Variants in SCML2 observed in about 807,000 individuals in gnomAD.
SCML2 encodes Scm polycomb group protein like 2.
A neutral mutation model predicts 48.4 loss-of-function variants in SCML2; 6 were observed. The ratio of observed to expected loss-of-function variants is 0.12; its 90% CI spans 0.07 to 0.24. The LOEUF is 0.24. Ranked by LOEUF, SCML2 falls within the 10% of genes least tolerant of loss-of-function variation. The pLI, the probability that SCML2 is intolerant of heterozygous loss-of-function variation, is 1.00. For missense variants in SCML2, 377 were observed against 528.2 expected, an observed-to-expected ratio of 0.71 and a Z score of 2.81; for synonymous variants, 181 against 189.5, an observed-to-expected ratio of 0.95 and a Z score of 0.37.
chrX:18,246,552 T>C (rs1926453759), intron 13 of SCML2, 25 bp downstream of exon 13: 2 of 1,174,222 alleles, frequency 1.7e-6, no homozygotes, highest in African/African-American at 3.6e-5. Flanking sequence ...ACAAACACAT[T>C]GAGAGTCACT....
At chrX:18,340,542 G>A (rs1929978860) in intron 1 of SCML2, among the ~76,000 whole-genome samples, 1 of 112,398 alleles carries the variant, frequency 8.9e-6, no homozygotes. Context: ...GGATGTGGTG[G>A]CTCACGCCTG....
chrX:18,347,376 G>C (rs763048186), intron 1 of SCML2, among the ~76,000 whole-genome samples: 5 of 109,167 alleles, frequency 4.6e-5, no homozygotes, highest in Non-Finnish European at 9.5e-5. Flanking sequence ...ATCTGGGAGG[G>C]GGAGGTTGCA....
intron 7 of SCML2, among the ~76,000 whole-genome samples, chrX:18,280,884 C>A (rs1319222816): frequency 9.6e-6 from 1 of 104,309 alleles, no homozygotes; most frequent in African/African-American, 3.4e-5. Context: ...AGAAAAGACT[C>A]AGACAACCAC....
chrX:18,273,055 C>T (rs1054886629), intron 7 of SCML2, among the ~76,000 whole-genome samples: 2 of 111,651 alleles, frequency 1.8e-5, no homozygotes, highest in African/African-American at 6.5e-5. Context: ...TCTTCCTGAT[C>T]TTACTTGATT....
At chrX:18,354,445 G>A in intron 1 of SCML2, 147 bp downstream of exon 1, 1 of 226,011 alleles carries the variant, frequency 4.4e-6, no homozygotes, top group Non-Finnish European at 8.1e-6. Flanking sequence ...GCCGAACTGA[G>A]ATGGGACATA....
intron 2 of SCML2, among the ~76,000 whole-genome samples, chrX:18,332,190 C>T (rs996567111): frequency 4.4e-5 from 5 of 112,432 alleles, no homozygotes; most frequent in Non-Finnish European, 7.5e-5. Context: ...CCTTAAGGCA[C>T]GGATCACATA....
intron 7 of SCML2, among the ~76,000 whole-genome samples, chrX:18,300,173 G>A (rs770982900): frequency 8.2e-4 from 91 of 110,700 alleles, no homozygotes; most frequent in African/African-American, 2.7e-3. Flanking sequence ...ACCGAGGCAG[G>A]CAGATCACTT....
At chrX:18,349,345 A>G (rs1169606948) in intron 1 of SCML2, among the ~76,000 whole-genome samples, 1 of 112,499 alleles carries the variant, frequency 8.9e-6, no homozygotes, top group East Asian at 2.8e-4. Context: ...CTCACAGCTT[A>G]TTCTATAAGT....
At chrX:18,334,291 T>C (rs745596010) in intron 1 of SCML2, among the ~76,000 whole-genome samples, 196 bp from the exon 2 acceptor site, 27 of 112,152 alleles carry the variant, frequency 2.4e-4, no homozygotes, top group Non-Finnish European at 4.9e-4. Flanking sequence ...AATATGGGTA[T>C]GAAGTTTCCT....
At chrX:18,348,031 T>C (rs1930259112) in intron 1 of SCML2, among the ~76,000 whole-genome samples, 1 of 111,983 alleles carries the variant, frequency 8.9e-6, no homozygotes, top group African/African-American at 3.2e-5. Context: ...TTCAAAATGA[T>C]TTATGTGAAA....
intron 5 of SCML2, among the ~76,000 whole-genome samples, chrX:18,321,396 C>T (rs963739183): frequency 5.4e-5 from 6 of 110,108 alleles, no homozygotes; most frequent in Non-Finnish European, 1.1e-4. Context: ...TGCCTCAATG[C>T]CAGAATTAGA....
chrX:18,275,959 C>T (rs1927616550), intron 7 of SCML2, among the ~76,000 whole-genome samples: 1 of 112,203 alleles, frequency 8.9e-6, no homozygotes. Flanking sequence ...AATCAGGACC[C>T]TTGTACACTG....
At position 18,246,535 on chromosome X, in the gene SCML2, G is replaced by C. The variant is rs141977761; in HGVS notation, c.1822+42C>G. On this transcript the variant is annotated intron_variant, in intron 13 of 14. Coordinates refer to ENST00000251900, the MANE Select transcript of SCML2 (RefSeq NM_006089.3). ...TGCTGTTAGGTATGAAAATCTCAAGGCAAAAGACAAACACATTGAGAGTCA... is the reference window on the plus strand; with the variant it reads ...TGCTGTTAGGTATGAAAATCTCAAGCCAAAAGACAAACACATTGAGAGTCA... The C allele has an allele frequency of 2.5e-3, 2,866 of 1,149,800 alleles. 46 individuals carry two copies. In the African/African-American group the frequency reaches 0.045, roughly 18 times the overall value. The allele number at this position is 1,149,800 out of a possible 1,213,427, so 94.8% of individuals were successfully genotyped here.
At chrX:18,345,773 G>T (rs1930179134) in intron 1 of SCML2, among the ~76,000 whole-genome samples, 2 of 109,793 alleles carry the variant, frequency 1.8e-5, no homozygotes, top group South Asian at 8.0e-4. Context: ...CTGGAGTTCA[G>T]TGGCATAATC....
At chrX:18,298,085 A>G (rs902544317) in intron 7 of SCML2, among the ~76,000 whole-genome samples, 1 of 111,620 alleles carries the variant, frequency 9.0e-6, no homozygotes, top group Non-Finnish European at 1.9e-5. Flanking sequence ...CTCTACAAGA[A>G]AAACTACAAA....
chrX:18,312,187 T>C (rs1001759800), intron 6 of SCML2, among the ~76,000 whole-genome samples: 12 of 111,831 alleles, frequency 1.1e-4, no homozygotes, highest in Non-Finnish European at 1.9e-4. Context: ...ACTGCAGTAA[T>C]CCAACTGAGA....
At chrX:18,310,104 T>G (rs1483704902) in intron 6 of SCML2, among the ~76,000 whole-genome samples, 4 of 111,577 alleles carry the variant, frequency 3.6e-5, no homozygotes, top group Non-Finnish European at 7.5e-5. Context: ...GAATTTGGTT[T>G]GTCATCATCA....
intron 8 of SCML2, among the ~76,000 whole-genome samples, chrX:18,263,485 C>G (rs187227461): frequency 1.8e-5 from 2 of 111,450 alleles, no homozygotes; most frequent in Non-Finnish European, 3.8e-5. Context: ...AGTGCTGGTT[C>G]GACAATGATT....
chrX:18,283,609 T>C (rs941446699), intron 7 of SCML2, among the ~76,000 whole-genome samples: 1 of 112,500 alleles, frequency 8.9e-6, no homozygotes, highest in Non-Finnish European at 1.9e-5. Flanking sequence ...TAAAAATCCA[T>C]GCGGAAAAAT....
Sources: gnomAD v4.1 joint callset for allele counts (sites outside exome capture counted in the v4.1 genomes callset) on GRCh38, gnomAD v4.1.1 for gene constraint, MANE v1.5 for transcripts, NCBI Gene and HGNC (gene_info 2026-07-23, HGNC 2026-07-21) for gene names.